The following ATXN7 variants were observed in gnomAD, a reference collection of about 807,000 sequenced individuals.
The protein encoded by ATXN7 is ataxin 7, also known as ataxin-7.
ATXN7 carries 12 observed loss-of-function variants against 70.5 expected under a neutral mutation model. The ratio of observed to expected loss-of-function variants is 0.17; its 90% CI spans 0.11 to 0.28. ATXN7 has a LOEUF of 0.28. Among genes scored for constraint, ATXN7 ranks in the 10% least tolerant of loss-of-function variants. ATXN7 has a pLI of 1.00. For synonymous variants in ATXN7, 498 were observed against 448.7 expected (o/e 1.11, Z -1.39); for missense variants, 1,256 against 1,131.7 (o/e 1.11, Z -1.58).
intron 1 of ATXN7, among the ~76,000 whole-genome samples, chr3:63,885,816 A>T (rs1476182004): frequency 6.6e-6 from 1 of 152,130 alleles, no homozygotes; most frequent in African/African-American, 2.4e-5. Context: ...CAGGAGTTCA[A>T]CCTAGCCGGG....
intron 1 of ATXN7, among the ~76,000 whole-genome samples, chr3:63,875,862 T>C (rs1414869593): frequency 3.3e-5 from 5 of 152,202 alleles, no homozygotes; most frequent in African/African-American, 1.2e-4. Flanking sequence ...AAAGTTTCAT[T>C]GTAGTCTGGA....
At chr3:63,949,602 T>C (rs2074921050) in intron 4 of ATXN7, among the ~76,000 whole-genome samples, 1 of 152,206 alleles carries the variant, frequency 6.6e-6, no homozygotes, top group African/African-American at 2.4e-5. Context: ...TTTACTATGT[T>C]GGCCATGCTG....
intron 1 of ATXN7, among the ~76,000 whole-genome samples, chr3:63,885,570 A>G (rs1703061970): frequency 6.6e-6 from 1 of 152,350 alleles, no homozygotes; most frequent in Non-Finnish European, 1.5e-5. Flanking sequence ...AAAGAACTAT[A>G]TGACCCATCA....
chr3:63,982,987 C>G lies in ATXN7; in HGVS notation c.1061C>G (p.Thr354Ser), dbSNP rs1446910337. 2 of 1,613,896 alleles carry G rather than the reference C, an allele frequency of 1.2e-6. No homozygotes were observed. Among genetic ancestry groups the G allele is most frequent in the Non-Finnish European group, 1.7e-6 (2 of 1,180,014 alleles). Reference sequence around the variant, plus strand: ...CACTGTGGGGTTATTGATCTCGACACCAAGAAGCCCTGCACCCGGTCTTTG... The same window carrying G: ...CACTGTGGGGTTATTGATCTCGACAGCAAGAAGCCCTGCACCCGGTCTTTG... The part of the protein sequence containing the change: ...DIHCGVIDLD[T>S]KKPCTRSLTC... The change falls in exon 8 of 13, where the codon ACC (threonine) becomes AGC (serine). Residue 354 changes from threonine (T) to serine (S), a missense_variant. Coordinates refer to ENST00000674280, the MANE Select transcript of ATXN7 (RefSeq NM_001377405.1).
intron 1 of ATXN7, among the ~76,000 whole-genome samples, chr3:63,887,538 A>G (rs958452378): frequency 3.3e-5 from 5 of 152,100 alleles, no homozygotes; most frequent in Admixed American, 3.3e-4. Flanking sequence ...TCATTTTTAA[A>G]TTATGTTTAA....
chr3:63,881,243 T>A lies in ATXN7; in HGVS notation c.-111+17085T>A, dbSNP rs958891689. ...AAAATGGATTACTCTTAGCCATGCC[T>A]TTTTGTGATTGAGTAGTACCAATGC... On this transcript the variant is annotated intron_variant, in intron 1 of 12. Coordinates refer to ENST00000674280, the MANE Select transcript of ATXN7 (RefSeq NM_001377405.1). Among the ~76,000 whole-genome samples, 5 of 86,352 alleles carry A rather than the reference T, an allele frequency of 5.8e-5. No individual in the cohort carries two copies. In the East Asian group the frequency reaches 1.5e-3, roughly 26 times the overall value. 56.7% of individuals were successfully genotyped at this position (86,352 alleles called of 152,430 possible). A position where few individuals can be genotyped will look rare whatever the true frequency, so the allele number is the denominator to read the frequency against.
intron 11 of ATXN7, 117 bp downstream of exon 11, chr3:63,990,976 G>A: frequency 2.0e-6 from 3 of 1,486,616 alleles, no homozygotes; most frequent in Non-Finnish European, 2.8e-6. Context: ...CTGGCCTTTG[G>A]CCCTGAGAAG....
Position 63,965,850 on chromosome 3 carries a change from A to C in ATXN7, c.499+13367A>C, listed in dbSNP as rs117091663. 5.6e-4 allele frequency among the ~76,000 whole-genome samples: 86 copies of C among 152,292 alleles called. No homozygotes were observed. The East Asian group carries it at 0.014, about 25-fold the overall frequency. Reference sequence around the variant, plus strand: ...AAATTTTAATCTGAGCTTTGTTCTCAATTTCTGTGTATGTGTACAAAATTA... The same window carrying C: ...AAATTTTAATCTGAGCTTTGTTCTCCATTTCTGTGTATGTGTACAAAATTA... On this transcript the variant is annotated intron_variant, in intron 5 of 12. Coordinates refer to ENST00000674280, the MANE Select transcript of ATXN7 (RefSeq NM_001377405.1).
At position 63,912,708 on chromosome 3, in the gene ATXN7, A is replaced by AGCAGCAGCAGCC; in HGVS notation, c.118_119insAGCCGCAGCAGC (p.Gln39_Pro40insGlnProGlnGln). ...CGGCAGCAGCAGCAGCAGCAGCAGC[A>AGCAGCAGCAGCC]GCAGCAGCCGCCGCCTCCGCAGCCC... is the stretch of plus-strand genomic sequence containing the variant. On this transcript the variant is annotated inframe_insertion, in exon 3 of 13. Coordinates refer to ENST00000674280, the MANE Select transcript of ATXN7 (RefSeq NM_001377405.1). 8.3e-7 allele frequency: 1 copy of AGCAGCAGCAGCC among 1,197,692 alleles called. No homozygotes were observed. Among genetic ancestry groups the AGCAGCAGCAGCC allele is most frequent in the South Asian group, 3.3e-5 (1 of 30,412 alleles). 74.2% of individuals were successfully genotyped at this position (1,197,692 alleles called of 1,614,324 possible).
chr3:63,927,183 A>G (rs1234927646), intron 4 of ATXN7, among the ~76,000 whole-genome samples: 2 of 152,184 alleles, frequency 1.3e-5, no homozygotes, highest in African/African-American at 2.4e-5. Context: ...ATACCTAGTA[A>G]TGGGACTGCT....
intron 12 of ATXN7, 102 bp from the exon 13 acceptor site, chr3:63,999,348 A>G: frequency 1.0e-6 from 1 of 952,998 alleles, no homozygotes; most frequent in Non-Finnish European, 1.7e-6. Flanking sequence ...AGACTTTAGT[A>G]GCGTGCAGCC....
chr3:63,965,034 G>T (rs983812025), intron 5 of ATXN7, among the ~76,000 whole-genome samples: 1 of 152,078 alleles, frequency 6.6e-6, no homozygotes, highest in Non-Finnish European at 1.5e-5. Flanking sequence ...CTTGTTTATT[G>T]CCCTCCAGAG....
intron 8 of ATXN7, among the ~76,000 whole-genome samples, chr3:63,985,794 A>C (rs1451817138): frequency 6.6e-6 from 1 of 152,148 alleles, no homozygotes; most frequent in East Asian, 1.9e-4. Flanking sequence ...CCATTCACTC[A>C]TTGTAGAACT....
intron 1 of ATXN7, among the ~76,000 whole-genome samples, chr3:63,896,098 C>T (rs932789657): frequency 1.3e-5 from 2 of 151,962 alleles, no homozygotes; most frequent in African/African-American, 2.4e-5. Context: ...ACAAGTATGA[C>T]TTGGCATGGA....
Position 63,996,034 on chromosome 3 carries a change from T to A in ATXN7, c.2212T>A (p.Cys738Ser). 1 of 1,614,188 alleles carries A rather than the reference T, an allele frequency of 6.2e-7. No homozygotes were observed. The highest frequency in any genetic ancestry group is 8.5e-7 in the Non-Finnish European group (1 of 1,180,028). ...SHSMESFRKNCVAHSGPPYPS... is the reference protein window; with the variant it reads ...SHSMESFRKNSVAHSGPPYPS... Reference sequence around the variant, plus strand: ...TTCCATGGAGTCTTTTAGGAAAAACTGTGTGGCTCACTCTGGGCCTCCCTA... The same window carrying A: ...TTCCATGGAGTCTTTTAGGAAAAACAGTGTGGCTCACTCTGGGCCTCCCTA... The change falls in exon 12 of 13, where the codon TGT (cysteine) becomes AGT (serine). Residue 738 changes from cysteine to serine, a missense_variant. Physicochemically the swap from Cys to Ser is moderately radical, Grantham distance 112. Transcript: ENST00000674280.
intron 1 of ATXN7, among the ~76,000 whole-genome samples, chr3:63,895,142 C>T (rs1703403387): frequency 6.6e-6 from 1 of 152,182 alleles, no homozygotes; most frequent in Non-Finnish European, 1.5e-5. Context: ...TAAGTTTATA[C>T]TGTTAAAAAC....
rs1167631173 is a variant in ATXN7, at chr3:63,878,642, CG to C, written c.-111+14487del. ...AATGAAAGAATTATTTTCAGAAGGA[CG>C]GGCAGAGTTCAGGATGACATGGGTT... On this transcript the variant is annotated intron_variant, in intron 1 of 12. Coordinates refer to ENST00000674280, the MANE Select transcript of ATXN7 (RefSeq NM_001377405.1). 5.3e-5 allele frequency: 8 copies of C among 152,252 alleles called. No individual in the cohort carries two copies. The South Asian group carries it at 1.7e-3, about 32-fold the overall frequency. The allele number at this position is 152,252 out of a possible 1,614,324, so 9.4% of individuals were successfully genotyped here. A position where few individuals can be genotyped will look rare whatever the true frequency, so the allele number is the denominator to read the frequency against.
chr3:63,973,668 G>T (rs1381156784), intron 5 of ATXN7, among the ~76,000 whole-genome samples: 1 of 152,060 alleles, frequency 6.6e-6, no homozygotes, highest in Non-Finnish European at 1.5e-5. Flanking sequence ...CTCTTGAATT[G>T]CACCCAAGAA....
At chr3:63,967,747 T>C (rs1323539145) in intron 5 of ATXN7, 3 of 1,409,884 alleles carry the variant, frequency 2.1e-6, no homozygotes, top group Admixed American at 2.8e-5. Context: ...ACCCCCTGTT[T>C]TCTGTTGATC....
Sources: gnomAD v4.1 joint callset for allele counts (sites outside exome capture counted in the v4.1 genomes callset) on GRCh38, gnomAD v4.1.1 for gene constraint, MANE v1.5 for transcripts, NCBI Gene and HGNC (gene_info 2026-07-23, HGNC 2026-07-21) for gene names.